The following GALNT13 variants were observed in gnomAD, a reference collection of about 807,000 sequenced individuals.
GALNT13 encodes UDP-GalNAc:polypeptide N-acetylgalactosaminyltransferase 13.
Under a neutral mutation model 64.2 loss-of-function variants are expected in GALNT13, and 28 were observed. That is an observed-to-expected ratio of 0.44 (90% CI 0.32 to 0.60). The LOEUF is 0.60. Ranked by LOEUF, GALNT13 falls within the 20% of genes least tolerant of loss-of-function variation. The pLI, the probability that GALNT13 is intolerant of heterozygous loss-of-function variation, is 0.05. For missense variants in GALNT13, 577 were observed against 669.8 expected (o/e 0.86, Z 1.53); for synonymous variants, 214 against 224.6 (o/e 0.95, Z 0.42).
the GALNT13 span, among the ~76,000 whole-genome samples, chr2:153,177,986 T>C: frequency 6.6e-6 from 1 of 152,202 alleles, no homozygotes; most frequent in Non-Finnish European, 1.5e-5. Context: ...CGTGACTGAC[T>C]TATTTCACTT....
chr2:153,904,342 C>G (rs1688423938), intron 2 of GALNT13, among the ~76,000 whole-genome samples: 1 of 151,850 alleles, frequency 6.6e-6, no homozygotes, highest in South Asian at 2.1e-4. Flanking sequence ...TGAATATATA[C>G]TTAGCAATGG....
upstream of GALNT13, among the ~76,000 whole-genome samples, chr2:153,871,558 C>T (rs1187543158): frequency 6.6e-6 from 1 of 152,176 alleles, no homozygotes; most frequent in Admixed American, 6.5e-5. Flanking sequence ...ACGCGGTGCA[C>T]GCAGGCCGGC....
At chr2:153,550,467 A>G in the GALNT13 span, among the ~76,000 whole-genome samples, 1 of 152,034 alleles carries the variant, frequency 6.6e-6, no homozygotes, top group Non-Finnish European at 1.5e-5. Flanking sequence ...TCCTGGCTTC[A>G]AGTGACTCAA....
intron 8 of GALNT13, among the ~76,000 whole-genome samples, chr2:154,281,855 G>GT (rs1211611992): frequency 6.6e-6 from 1 of 151,516 alleles, no homozygotes; most frequent in Non-Finnish European, 1.5e-5. Flanking sequence ...TCAAAAGTCA[G>GT]TTGCTAGGCC....
the GALNT13 span, among the ~76,000 whole-genome samples, chr2:153,586,960 AGTGGCTCAAGCCT>A: frequency 6.6e-6 from 1 of 152,166 alleles, no homozygotes; most frequent in South Asian, 2.1e-4. Flanking sequence ...GGCTGGGCAC[AGTGGCTCAAGCCT>A]GTAATATTAA....
At chr2:153,742,460 A>T in the GALNT13 span, among the ~76,000 whole-genome samples, 1 of 152,134 alleles carries the variant, frequency 6.6e-6, no homozygotes, top group African/African-American at 2.4e-5. Flanking sequence ...CAGGCTTGTT[A>T]CATGTATACA....
the GALNT13 span, among the ~76,000 whole-genome samples, chr2:153,721,513 G>A: frequency 3.3e-5 from 5 of 150,496 alleles, no homozygotes; most frequent in Non-Finnish European, 5.9e-5. Context: ...GACACAGACT[G>A]GCAAGTTAGA....
the GALNT13 span, among the ~76,000 whole-genome samples, chr2:153,695,847 C>A: frequency 6.6e-6 from 1 of 152,050 alleles, no homozygotes; most frequent in South Asian, 2.1e-4. Flanking sequence ...AAACACATTG[C>A]TCTAGATAAT....
At chr2:154,243,459 A>C (rs1689606403) in intron 6 of GALNT13, among the ~76,000 whole-genome samples, 2 of 152,188 alleles carry the variant, frequency 1.3e-5, no homozygotes, top group Admixed American at 1.3e-4. Context: ...GCACACACAC[A>C]GCACTGAAAA....
chr2:154,030,854 C>T (rs1698290002), intron 3 of GALNT13, among the ~76,000 whole-genome samples: 1 of 152,064 alleles, frequency 6.6e-6, no homozygotes. Flanking sequence ...GTCATGCTTC[C>T]TGTCAAGCCT....
At chr2:154,386,657 C>G (rs1167427355) in intron 9 of GALNT13, among the ~76,000 whole-genome samples, 1 of 151,968 alleles carries the variant, frequency 6.6e-6, no homozygotes, top group Non-Finnish European at 1.5e-5. Flanking sequence ...AAATATACAG[C>G]TATATATTAG....
the GALNT13 span, among the ~76,000 whole-genome samples, chr2:153,238,531 T>A: frequency 2.6e-5 from 4 of 152,112 alleles, no homozygotes; most frequent in South Asian, 8.3e-4. Flanking sequence ...AAGGGTCTAG[T>A]TTCATTCTTC....
At chr2:154,350,012 A>G (rs970667057) in intron 9 of GALNT13, among the ~76,000 whole-genome samples, 2 of 152,232 alleles carry the variant, frequency 1.3e-5, no homozygotes, top group Non-Finnish European at 2.9e-5. Context: ...GGTAACCTAA[A>G]GTCTATGGGA....
chr2:153,395,663 G>C, the GALNT13 span, among the ~76,000 whole-genome samples: 1 of 152,090 alleles, frequency 6.6e-6, no homozygotes, highest in South Asian at 2.1e-4. Context: ...AGACAAGTAG[G>C]CTTGAATCTT....
chr2:154,303,254 C>T (rs899732467), intron 9 of GALNT13, among the ~76,000 whole-genome samples: 4 of 151,892 alleles, frequency 2.6e-5, no homozygotes, highest in Non-Finnish European at 4.4e-5. Context: ...GAGTCGGATG[C>T]GCGCGATTTT....
the GALNT13 span, among the ~76,000 whole-genome samples, chr2:153,474,217 C>T: frequency 3.3e-5 from 5 of 152,128 alleles, no homozygotes; most frequent in Admixed American, 6.5e-5. Flanking sequence ...AGAGAGAACA[C>T]GTTAAACCAA....
chr2:153,948,342 G>T (rs1224066220), intron 3 of GALNT13, among the ~76,000 whole-genome samples: 1 of 151,860 alleles, frequency 6.6e-6, no homozygotes, highest in Admixed American at 6.6e-5. Context: ...TTACTAAAAA[G>T]TCAAAAAATA....
At chr2:154,269,083 G>A (rs1483530681) in intron 8 of GALNT13, among the ~76,000 whole-genome samples, 3 of 152,032 alleles carry the variant, frequency 2.0e-5, no homozygotes, top group Non-Finnish European at 4.4e-5. Context: ...AAGCAATGAA[G>A]TGGAAAAGAA....
At chr2:154,298,464 TATAA>T (rs1321047996) in intron 8 of GALNT13, among the ~76,000 whole-genome samples, 1 of 106,282 alleles carries the variant, frequency 9.4e-6, no homozygotes, top group African/African-American at 3.3e-5. Context: ...TATATACATA[TATAA>T]ATTATATATA....
Sources: gnomAD v4.1 joint callset for allele counts (sites outside exome capture counted in the v4.1 genomes callset) on GRCh38, gnomAD v4.1.1 for gene constraint, MANE v1.5 for transcripts, NCBI Gene and HGNC (gene_info 2026-07-23, HGNC 2026-07-21) for gene names.